The following SRR variants were observed in gnomAD, a reference collection of about 807,000 sequenced individuals.
SRR encodes serine racemase.
SRR carries 19 observed loss-of-function variants against 32.7 expected under a neutral mutation model. That is an observed-to-expected ratio of 0.58 (90% CI 0.40 to 0.85). SRR has a LOEUF of 0.85. SRR is among the 40% of genes least tolerant of loss of function. The probability of loss-of-function intolerance (pLI) is 0.00; values close to 1 mark genes in which losing one functional copy is unlikely to be tolerated. For synonymous variants in SRR, 142 were observed against 140.9 expected, an observed-to-expected ratio of 1.01 and a Z score of -0.06; for missense variants, 373 against 404.7, an observed-to-expected ratio of 0.92 and a Z score of 0.67.
intron 1 of SRR, chr17:2,306,989 A>T: frequency 2.2e-6 from 3 of 1,383,458 alleles, no homozygotes; most frequent in Non-Finnish European, 3.0e-6. Context: ...GCAAGGCCAC[A>T]CAAGGTGGAT....
At chr17:2,313,439 A>T (rs927488955) in intron 1 of SRR, among the ~76,000 whole-genome samples, 1 of 147,726 alleles carries the variant, frequency 6.8e-6, no homozygotes, top group South Asian at 2.1e-4. Context: ...AAAAAAAAAA[A>T]AAGTTGGATA....
At chr17:2,305,541 A>G (rs2075382269) in intron 1 of SRR, among the ~76,000 whole-genome samples, 1 of 152,248 alleles carries the variant, frequency 6.6e-6, no homozygotes, top group Non-Finnish European at 1.5e-5. Context: ...AGCTGACTGC[A>G]GAAGAGCAAT....
chr17:2,303,706 C>A, upstream of SRR: 1 of 1,493,966 alleles, frequency 6.7e-7, no homozygotes, highest in Non-Finnish European at 8.9e-7. Flanking sequence ...GCACACGCTC[C>A]AGCCCTTCCG....
rs1018688190 is a variant in SRR at position 2,325,032 on chromosome 17, G to A, written c.*1159G>A. The A allele has an allele frequency of 1.6e-6, 1 of 623,842 alleles. No individual in the cohort carries two copies. The highest frequency in any genetic ancestry group is 3.5e-5 in the Admixed American group (1 of 28,844). 38.6% of individuals were successfully genotyped at this position (623,842 alleles called of 1,614,324 possible). ...AAACTTGTACTTCAAGAGAAATGAT[G>A]TATAACAAAACCATACTTTTTCTCA... On this transcript the variant is annotated 3_prime_UTR_variant, in exon 8 of 8. Transcript: ENST00000344595.
Position 2,324,310 on chromosome 17 carries a change from C to G in SRR, c.*437C>G. The G allele has an allele frequency of 6.4e-7, 1 of 1,568,284 alleles. No homozygotes were observed. The highest frequency in any genetic ancestry group is 8.6e-7 in the Non-Finnish European group (1 of 1,160,694). On this transcript the variant is annotated 3_prime_UTR_variant, in exon 8 of 8. Transcript: ENST00000344595. ...TGGGGAAGACTCGTTTATACAGGTT[C>G]ATCAGTACTGTGTCTTGAGATTTTA...
chr17:2,321,208 A>T (rs1455068240), intron 4 of SRR, 98 bp from the exon 5 acceptor site: 3 of 1,455,956 alleles, frequency 2.1e-6, no homozygotes, highest in African/African-American at 1.4e-5. Context: ...CAAAGTGTGA[A>T]AAAAGTAGAT....
chr17:2,324,468 A>C lies in SRR; in HGVS notation c.*595A>C. 6.2e-7 allele frequency: 1 copy of C among 1,613,958 alleles called. No individual in the cohort carries two copies. Among genetic ancestry groups the C allele is most frequent in the Non-Finnish European group, 8.5e-7 (1 of 1,179,910 alleles). On this transcript the variant is annotated 3_prime_UTR_variant, in exon 8 of 8. Transcript: ENST00000344595. Reference sequence around the variant, plus strand: ...AACAGTCATTTAGCAACACTGCAGAAATGCAGACATGGTCTCAAATCCCGT... The same window carrying C: ...AACAGTCATTTAGCAACACTGCAGACATGCAGACATGGTCTCAAATCCCGT...
Position 2,324,924 on chromosome 17 carries a change from T to C in SRR, c.*1051T>C. The C allele has an allele frequency of 1.4e-6, 2 of 1,432,584 alleles. No individual in the cohort carries two copies. Among genetic ancestry groups the C allele is most frequent in the Non-Finnish European group, 1.9e-6 (2 of 1,078,844 alleles). The allele number at this position is 1,432,584 out of a possible 1,614,324, so 88.7% of individuals were successfully genotyped here. ...TTTAAAGACCCATGCAAGAGCCTGG[T>C]TTGTCATCCCTGCCCTAGCCCAATC... On this transcript the variant is annotated 3_prime_UTR_variant, in exon 8 of 8. Coordinates refer to ENST00000344595, the MANE Select transcript of SRR (RefSeq NM_021947.3).
chr17:2,324,978 C>T lies in SRR; in HGVS notation c.*1105C>T, dbSNP rs1329571501. ...GGCTAAGATTGGTAAACTGTAAGCCCACACTTAACCTTGTCAATAGGTTCT... is the reference window on the plus strand; with the variant it reads ...GGCTAAGATTGGTAAACTGTAAGCCTACACTTAACCTTGTCAATAGGTTCT... On this transcript the variant is annotated 3_prime_UTR_variant, in exon 8 of 8. Coordinates refer to ENST00000344595, the MANE Select transcript of SRR (RefSeq NM_021947.3). 1.2e-6 allele frequency: 1 copy of T among 810,070 alleles called. No individual in the cohort carries two copies. Among genetic ancestry groups the T allele is most frequent in the Non-Finnish European group, 1.9e-6 (1 of 534,690 alleles). 50.2% of individuals were successfully genotyped at this position (810,070 alleles called of 1,614,324 possible). A position where few individuals can be genotyped will look rare whatever the true frequency, so the allele number is the denominator to read the frequency against.
At chr17:2,318,702 C>T (rs964944353) in intron 3 of SRR, 124 bp from the exon 4 acceptor site, 1 of 538,810 alleles carries the variant, frequency 1.9e-6, no homozygotes, top group African/African-American at 2.0e-5. Context: ...AATTTCCTGA[C>T]CTTGTGATCC....
intron 1 of SRR, among the ~76,000 whole-genome samples, chr17:2,308,359 C>T (rs1367205960): frequency 6.6e-6 from 1 of 152,068 alleles, no homozygotes; most frequent in Non-Finnish European, 1.5e-5. Flanking sequence ...GCTCATTCTT[C>T]AGAAATAAAG....
rs542955469 is a variant in SRR at position 2,308,490 on chromosome 17, T to C, written c.-5+4473T>C. 2.0e-5 allele frequency among the ~76,000 whole-genome samples: 3 copies of C among 152,346 alleles called. No homozygotes were observed. The South Asian group carries it at 6.2e-4, about 32-fold the overall frequency. Reference sequence around the variant, plus strand: ...AAATCTGATTTTCCTGTCAAATACTTATTTCTTCTCCTGTTTTAAATCTCA... The same window carrying C: ...AAATCTGATTTTCCTGTCAAATACTCATTTCTTCTCCTGTTTTAAATCTCA... On this transcript the variant is annotated intron_variant, in intron 1 of 7. Transcript: ENST00000344595.
chr17:2,314,576 C>A (rs1245552112), intron 1 of SRR, among the ~76,000 whole-genome samples: 1 of 98,818 alleles, frequency 1.0e-5, no homozygotes, highest in Non-Finnish European at 2.1e-5. Flanking sequence ...GAGCGAGACT[C>A]TGTCTCAAAA....
At chr17:2,310,535 A>G (rs2075426059) in intron 1 of SRR, among the ~76,000 whole-genome samples, 1 of 151,644 alleles carries the variant, frequency 6.6e-6, no homozygotes, top group Non-Finnish European at 1.5e-5. Context: ...TTTATTCATA[A>G]AAATATTGAG....
At chr17:2,303,622 G>C, upstream of SRR, 1 of 1,448,320 alleles carries the variant, frequency 6.9e-7, no homozygotes, top group Non-Finnish European at 9.0e-7. Context: ...GAGCTGGGCG[G>C]CGCGACTCAC....
chr17:2,303,690 A>T, upstream of SRR: 1 of 1,496,680 alleles, frequency 6.7e-7, no homozygotes, highest in Non-Finnish European at 8.9e-7. Flanking sequence ...TCCGACGCGG[A>T]GATCCGCACA....
intron 2 of SRR, among the ~76,000 whole-genome samples, chr17:2,316,555 GC>G (rs2075474065): frequency 1.3e-5 from 2 of 152,156 alleles, no homozygotes; most frequent in Non-Finnish European, 2.9e-5. Flanking sequence ...CTAAGCCTGG[GC>G]CACACGGCAA....
At chr17:2,318,617 C>CTTTTTTT (rs1288852264) in intron 3 of SRR, among the ~76,000 whole-genome samples, 1 of 103,534 alleles carries the variant, frequency 9.7e-6, no homozygotes, top group Non-Finnish European at 1.9e-5. Flanking sequence ...CCATGCCTGG[C>CTTTTTTT]TATTTTTTTT....
chr17:2,308,866 C>T (rs960931040), intron 1 of SRR, among the ~76,000 whole-genome samples: 4 of 151,804 alleles, frequency 2.6e-5, no homozygotes, highest in African/African-American at 7.3e-5. Flanking sequence ...TACCTGTAAT[C>T]CCAGCACTTT....
Sources: gnomAD v4.1 joint callset for allele counts (sites outside exome capture counted in the v4.1 genomes callset) on GRCh38, gnomAD v4.1.1 for gene constraint, MANE v1.5 for transcripts, NCBI Gene and HGNC (gene_info 2026-07-23, HGNC 2026-07-21) for gene names.